The following GPM6A variants were observed in gnomAD, a reference collection of about 807,000 sequenced individuals.
GPM6A encodes the protein neuronal membrane glycoprotein M6-a.
GPM6A carries 7 observed loss-of-function variants against 32.1 expected under a neutral mutation model. The ratio of observed to expected loss-of-function variants is 0.22; its 90% CI spans 0.12 to 0.41. GPM6A has a LOEUF of 0.41. GPM6A is among the 10% of genes least tolerant of loss of function. The pLI is 1.00. For missense variants in GPM6A, 235 were observed against 347.2 expected (o/e 0.68, Z 2.57); for synonymous variants, 130 against 123.4 (o/e 1.05, Z -0.35).
chr4:175,697,972 C>T (rs1744670292), intron 2 of GPM6A, among the ~76,000 whole-genome samples: 1 of 152,140 alleles, frequency 6.6e-6, no homozygotes, highest in Non-Finnish European at 1.5e-5. Context: ...TTAGTGAAAC[C>T]GAATAGTCAC....
At chr4:175,657,136 T>C (rs1742125848) in intron 3 of GPM6A, among the ~76,000 whole-genome samples, 1 of 152,224 alleles carries the variant, frequency 6.6e-6, no homozygotes, top group Non-Finnish European at 1.5e-5. Flanking sequence ...TCTGGTAGTA[T>C]TTTCTCATCT....
At chr4:175,742,747 C>T (rs551735505) in intron 1 of GPM6A, among the ~76,000 whole-genome samples, 57 of 152,176 alleles carry the variant, frequency 3.7e-4, no homozygotes, top group South Asian at 1.9e-3. Flanking sequence ...GAGGAATCAA[C>T]GCACACTTGA....
intron 1 of GPM6A, among the ~76,000 whole-genome samples, chr4:175,890,218 A>G (rs988877119): frequency 6.6e-6 from 1 of 152,234 alleles, no homozygotes; most frequent in Admixed American, 6.5e-5. Flanking sequence ...AACTTATACA[A>G]TCAATTTTTG....
intron 2 of GPM6A, among the ~76,000 whole-genome samples, chr4:175,695,347 C>A (rs1296883512): frequency 6.6e-6 from 1 of 152,184 alleles, no homozygotes; most frequent in Admixed American, 6.5e-5. Context: ...AAGCCATAGG[C>A]ATTCAACAGC....
chr4:175,820,924 T>C (rs1735260318), intron 1 of GPM6A, among the ~76,000 whole-genome samples: 1 of 152,222 alleles, frequency 6.6e-6, no homozygotes. Flanking sequence ...TTCTAATTTC[T>C]AAACAACTGT....
chr4:175,982,471 C>G (rs1351953907), intron 1 of GPM6A, among the ~76,000 whole-genome samples: 1 of 152,078 alleles, frequency 6.6e-6, no homozygotes, highest in African/African-American at 2.4e-5. Context: ...TACATGGTGT[C>G]TAATTCTTCC....
chr4:175,828,512 G>C (rs1349129025), intron 1 of GPM6A, among the ~76,000 whole-genome samples: 1 of 152,146 alleles, frequency 6.6e-6, no homozygotes, highest in Non-Finnish European at 1.5e-5. Flanking sequence ...TGATTCTGCT[G>C]TTTACAAACA....
intron 1 of GPM6A, among the ~76,000 whole-genome samples, chr4:175,727,690 G>A (rs941341712): frequency 2.0e-5 from 3 of 152,090 alleles, no homozygotes; most frequent in Non-Finnish European, 4.4e-5. Context: ...TTCCACTAAT[G>A]TAATTATACA....
At chr4:175,736,716 T>TAGTTATTAA (rs1175972180) in intron 1 of GPM6A, among the ~76,000 whole-genome samples, 2 of 152,206 alleles carry the variant, frequency 1.3e-5, no homozygotes, top group Non-Finnish European at 2.9e-5. Context: ...TAGTTATTAA[T>TAGTTATTAA]TAGTAGTAAT....
intron 1 of GPM6A, among the ~76,000 whole-genome samples, chr4:175,982,123 C>A (rs931344010): frequency 6.6e-6 from 1 of 151,800 alleles, no homozygotes; most frequent in Non-Finnish European, 1.5e-5. Context: ...TTTTATTATT[C>A]TTTATATATT....
intron 1 of GPM6A, among the ~76,000 whole-genome samples, chr4:175,719,845 C>G (rs974120046): frequency 5.3e-5 from 8 of 152,092 alleles, no homozygotes; most frequent in African/African-American, 1.9e-4. Context: ...CTTCTCTCTC[C>G]CTCCCTCTCT....
At chr4:175,640,023 TG>T in intron 6 of GPM6A, 105 bp downstream of exon 6, 1 of 893,474 alleles carries the variant, frequency 1.1e-6, no homozygotes, top group East Asian at 2.4e-5. Context: ...ATGACATAAA[TG>T]TGTTTTACAT....
In GPM6A at chr4:175,725,153, T is replaced by G. The variant is rs570619913; in HGVS notation, c.38-23386A>C. ...TACATAGTTGTTGCTCAATTAATATTTTATTTTAGTGATAAAATACATGTA... is the reference window on the plus strand; with the variant it reads ...TACATAGTTGTTGCTCAATTAATATGTTATTTTAGTGATAAAATACATGTA... On this transcript the variant is annotated intron_variant, in intron 1 of 6. Coordinates refer to ENST00000393658, the MANE Select transcript of GPM6A (RefSeq NM_201591.3). Among the ~76,000 whole-genome samples, 34 of 152,332 alleles carry G rather than the reference T, an allele frequency of 2.2e-4. 1 individual carries two copies. The South Asian group carries it at 7.0e-3, about 32-fold the overall frequency.
chr4:175,770,184 G>A (rs957322989), intron 1 of GPM6A, among the ~76,000 whole-genome samples: 6 of 152,052 alleles, frequency 3.9e-5, no homozygotes, highest in Non-Finnish European at 5.9e-5. Flanking sequence ...GTGCCACCAC[G>A]CCCAGCTAGT....
chr4:175,780,240 G>T lies in GPM6A; in HGVS notation c.37+31951C>A, dbSNP rs565097736. Among the ~76,000 whole-genome samples the T allele has an allele frequency of 7.2e-5, 11 of 152,132 alleles. 1 individual carries two copies. In the South Asian group the frequency reaches 2.3e-3, roughly 32 times the overall value. On this transcript the variant is annotated intron_variant, in intron 1 of 6. Coordinates refer to ENST00000393658, the MANE Select transcript of GPM6A (RefSeq NM_201591.3). ...TTTTTGTATTTTTAGTACAGATGGG[G>T]TTTTTCCATATTGGCCAGGCTGGTC...
At chr4:175,707,722 T>G (rs545619717) in intron 1 of GPM6A, among the ~76,000 whole-genome samples, 65 of 152,256 alleles carry the variant, frequency 4.3e-4, no homozygotes, top group African/African-American at 1.5e-3. Flanking sequence ...AAATTAAAAG[T>G]AATGCGAAAA....
intron 1 of GPM6A, among the ~76,000 whole-genome samples, chr4:175,724,229 T>C (rs1005264843): frequency 6.6e-6 from 1 of 152,172 alleles, no homozygotes; most frequent in African/African-American, 2.4e-5. Flanking sequence ...TCATGTGATC[T>C]TACTCATATG....
chr4:175,865,891 G>A (rs139008050), intron 1 of GPM6A, among the ~76,000 whole-genome samples: 27 of 152,120 alleles, frequency 1.8e-4, no homozygotes, highest in East Asian at 9.7e-4. Context: ...TGGAACTGGC[G>A]TTACATCCTC....
intron 2 of GPM6A, among the ~76,000 whole-genome samples, chr4:175,689,243 AT>A (rs1156755172): frequency 6.6e-6 from 1 of 152,218 alleles, no homozygotes; most frequent in Non-Finnish European, 1.5e-5. Context: ...TTTCTGCAAA[AT>A]ATACCATTGT....
Sources: gnomAD v4.1 joint callset for allele counts (sites outside exome capture counted in the v4.1 genomes callset) on GRCh38, gnomAD v4.1.1 for gene constraint, MANE v1.5 for transcripts, NCBI Gene and HGNC (gene_info 2026-07-23, HGNC 2026-07-21) for gene names.